MARK1: variants seen among roughly 807,000 people sequenced by gnomAD.
The protein encoded by MARK1 is serine/threonine-protein kinase MARK1.
MARK1 carries 40 observed loss-of-function variants against 96.3 expected under a neutral mutation model. The ratio of observed to expected loss-of-function variants is 0.42; its 90% CI spans 0.32 to 0.54. The LOEUF is 0.54. MARK1 is among the 20% of genes least tolerant of loss of function. The probability of loss-of-function intolerance (pLI) is 0.16; values close to 1 mark genes in which losing one functional copy is unlikely to be tolerated. For synonymous variants in MARK1, 317 were observed against 341.2 expected (o/e 0.93, Z 0.78); for missense variants, 719 against 984.6 (o/e 0.73, Z 3.61).
chr1:220,529,692 T>C (rs75486346), intron 1 of MARK1, among the ~76,000 whole-genome samples: 138 of 152,332 alleles, frequency 9.1e-4, no homozygotes, highest in Non-Finnish European at 1.6e-3. Context: ...GGAGCTGTTA[T>C]CAAGATGCAG....
chr1:220,653,020 C>A, intron 15 of MARK1, 81 bp from the exon 16 acceptor site: 1 of 1,494,978 alleles, frequency 6.7e-7, no homozygotes, highest in Non-Finnish European at 9.2e-7. Context: ...GTAGCCATAG[C>A]TATTTGTTTC....
rs765121365 is a variant in MARK1, at chr1:220,528,971, G to A, written c.51+98G>A. On this transcript the variant is annotated intron_variant, in intron 1 of 17. Coordinates refer to ENST00000366917, the MANE Select transcript of MARK1 (RefSeq NM_018650.5). ...GGGCCGTCCCCCGTGCCTCGGCGCG[G>A]CCACCCGCGGCAGGGTCTCCACCTG... The A allele has an allele frequency of 1.1e-3, 1,380 of 1,261,736 alleles. 2 individuals are homozygous for A. Among genetic ancestry groups the A allele is most frequent in the Non-Finnish European group, 1.1e-3 (1,055 of 923,982 alleles). The allele number at this position is 1,261,736 out of a possible 1,614,324, so 78.2% of individuals were successfully genotyped here.
chr1:220,632,340 T>C (rs1312596755), intron 11 of MARK1, 27 bp downstream of exon 11: 4 of 1,044,600 alleles, frequency 3.8e-6, no homozygotes, highest in Non-Finnish European at 5.7e-6. Context: ...TTCAGATTAC[T>C]GTGAATTATT....
In MARK1 at chr1:220,528,837, G is replaced by A. The variant is rs985799663; in HGVS notation, c.15G>A (p.Thr5=). 1.9e-6 allele frequency: 3 copies of A among 1,566,406 alleles called. No homozygotes were observed. Among genetic ancestry groups the A allele is most frequent in the Non-Finnish European group, 1.7e-6 (2 of 1,155,484 alleles). MSAR[T]PLPTVNERDT... is the part of the protein sequence containing the mutation. The stretch of plus-strand genomic sequence containing the variant: ...GCCCGCACAAAATGTCGGCCCGGAC[G>A]CCATTGCCGACGGTGAACGAGCGGG... The change falls in exon 1 of 18, where the codon ACG becomes ACA. Residue 5 remains threonine (T), a synonymous_variant. Coordinates refer to ENST00000366917, the MANE Select transcript of MARK1 (RefSeq NM_018650.5).
At chr1:220,584,323 C>T (rs1008024620) in intron 3 of MARK1, among the ~76,000 whole-genome samples, 4 of 152,100 alleles carry the variant, frequency 2.6e-5, no homozygotes, top group African/African-American at 9.7e-5. Flanking sequence ...AAAATAAAAA[C>T]AAGACTTAGT....
At chr1:220,659,519 A>G (rs1367573404) in intron 17 of MARK1, among the ~76,000 whole-genome samples, 8 of 152,134 alleles carry the variant, frequency 5.3e-5, no homozygotes, top group Non-Finnish European at 1.2e-4. Context: ...TGAGGGGTAA[A>G]TGAGTAATTA....
chr1:220,655,016 C>T (rs776865149), intron 16 of MARK1, among the ~76,000 whole-genome samples: 16 of 152,210 alleles, frequency 1.1e-4, no homozygotes, highest in African/African-American at 1.4e-4. Flanking sequence ...GCTATTGCTA[C>T]GGCAGTGAGT....
intron 14 of MARK1, among the ~76,000 whole-genome samples, 176 bp downstream of exon 14, chr1:220,650,896 A>G (rs1419697461): frequency 2.6e-5 from 4 of 152,258 alleles, no homozygotes; most frequent in Non-Finnish European, 5.9e-5. Flanking sequence ...GAAGGATGGG[A>G]AAACATTTAG....
intron 1 of MARK1, among the ~76,000 whole-genome samples, chr1:220,531,690 A>G (rs1660326903): frequency 6.6e-6 from 1 of 152,178 alleles, no homozygotes; most frequent in Non-Finnish European, 1.5e-5. Flanking sequence ...GTCTATGTGT[A>G]CTTTTTCAGG....
chr1:220,639,317 C>A (rs1452083288), intron 13 of MARK1, among the ~76,000 whole-genome samples: 1 of 151,862 alleles, frequency 6.6e-6, no homozygotes, highest in Non-Finnish European at 1.5e-5. Context: ...GTACACAGAG[C>A]ATTATTTTAT....
At chr1:220,533,065 T>G (rs1227585556) in intron 1 of MARK1, among the ~76,000 whole-genome samples, 1 of 152,156 alleles carries the variant, frequency 6.6e-6, no homozygotes, top group African/African-American at 2.4e-5. Flanking sequence ...AGATACTTTA[T>G]TAGAGGAAGA....
chr1:220,530,576 A>G (rs1428016675), intron 1 of MARK1, among the ~76,000 whole-genome samples: 1 of 152,220 alleles, frequency 6.6e-6, no homozygotes, highest in Non-Finnish European at 1.5e-5. Context: ...AGCTTTTCTC[A>G]TACTTGTATG....
chr1:220,635,607 C>T (rs999609958), intron 12 of MARK1, 78 bp downstream of exon 12: 16 of 1,456,162 alleles, frequency 1.1e-5, no homozygotes, highest in East Asian at 9.1e-5. Flanking sequence ...TGTACATTCA[C>T]GTCTCTATGT....
chr1:220,587,245 T>C (rs1275457420), intron 3 of MARK1, among the ~76,000 whole-genome samples: 2 of 152,210 alleles, frequency 1.3e-5, no homozygotes, highest in East Asian at 1.9e-4. Context: ...ATGCTAACTA[T>C]ATAGTCTCTC....
intron 3 of MARK1, among the ~76,000 whole-genome samples, 169 bp from the exon 4 acceptor site, chr1:220,598,162 T>A (rs1665498578): frequency 6.6e-6 from 1 of 152,078 alleles, no homozygotes; most frequent in Non-Finnish European, 1.5e-5. Flanking sequence ...TAAGTTAACA[T>A]AGCTTGTTTG....
At chr1:220,544,106 A>G (rs1400129334) in intron 1 of MARK1, among the ~76,000 whole-genome samples, 1 of 152,174 alleles carries the variant, frequency 6.6e-6, no homozygotes, top group Non-Finnish European at 1.5e-5. Flanking sequence ...TGTGGTTGTT[A>G]TAGGTGTGAG....
chr1:220,579,589 C>G, intron 2 of MARK1, 32 bp downstream of exon 2: 1 of 1,560,044 alleles, frequency 6.4e-7, no homozygotes, highest in Non-Finnish European at 8.8e-7. Flanking sequence ...TAATATCTGC[C>G]TGGACCTCTC....
intron 13 of MARK1, among the ~76,000 whole-genome samples, chr1:220,648,734 T>C (rs1668712154): frequency 6.6e-6 from 1 of 152,204 alleles, no homozygotes; most frequent in African/African-American, 2.4e-5. Flanking sequence ...GCCAAAATTA[T>C]GAGATTATCA....
intron 11 of MARK1, among the ~76,000 whole-genome samples, chr1:220,634,630 A>G (rs1667847555): frequency 6.6e-6 from 1 of 152,202 alleles, no homozygotes; most frequent in African/African-American, 2.4e-5. Context: ...GCTGTTTATT[A>G]TCATCGGTAT....
Sources: allele counts gnomAD v4.1 joint callset (sites outside exome capture counted in the v4.1 genomes callset), GRCh38; gene constraint gnomAD v4.1.1; transcripts MANE v1.5; gene names NCBI Gene and HGNC (gene_info 2026-07-23, HGNC 2026-07-21).